The following NFU1 variants were observed in gnomAD, a reference collection of about 807,000 sequenced individuals.
NFU1 encodes NFU1 iron-sulfur cluster scaffold homolog, mitochondrial.
NFU1 carries 30 observed loss-of-function variants against 32.2 expected under a neutral mutation model. That is an observed-to-expected ratio of 0.93 (90% CI 0.70 to 1.26). NFU1 has a LOEUF of 1.26. Ranked by LOEUF, NFU1 falls within the 50% of genes most tolerant of loss-of-function variation. The pLI, the probability that NFU1 is intolerant of heterozygous loss-of-function variation, is 0.00. For synonymous variants in NFU1, 112 were observed against 104.6 expected, an observed-to-expected ratio of 1.07 and a Z score of -0.43; for missense variants, 306 against 306.6, an observed-to-expected ratio of 1.00 and a Z score of 0.02.
chr2:69,412,935 A>G (rs1039610607), intron 5 of NFU1, among the ~76,000 whole-genome samples: 14 of 152,078 alleles, frequency 9.2e-5, no homozygotes, highest in African/African-American at 3.4e-4. Flanking sequence ...CACTGACAAG[A>G]AAAGTAAATG....
intron 1 of NFU1, among the ~76,000 whole-genome samples, chr2:69,433,845 C>T (rs1235763180): frequency 6.6e-6 from 1 of 152,126 alleles, no homozygotes; most frequent in Non-Finnish European, 1.5e-5. Flanking sequence ...GTGATCAGGG[C>T]TCACTGCAGC....
At position 69,400,369 on chromosome 2, in the gene NFU1, C is replaced by T. The variant is rs1308859105; in HGVS notation, c.715G>A (p.Glu239Lys). The T allele has an allele frequency of 6.2e-6, 10 of 1,613,760 alleles. No homozygotes were observed. The highest frequency in any genetic ancestry group is 8.5e-6 in the Non-Finnish European group (10 of 1,179,664). The change falls in exon 7 of 8, where the codon GAA (glutamate) becomes AAA (lysine). Residue 239 changes from glutamate to lysine, a missense_variant. Coordinates refer to ENST00000410022, the MANE Select transcript of NFU1 (RefSeq NM_001002755.4). ...QFYIPEVEGV[E>K]QVMDDESDEK... Reference sequence around the variant, plus strand: ...GTCATATAATATTGGCATACCTGTTCTACGCCTTCTACCTCCGGAATATAA... The same window carrying T: ...GTCATATAATATTGGCATACCTGTTTTACGCCTTCTACCTCCGGAATATAA...
intron 7 of NFU1, among the ~76,000 whole-genome samples, chr2:69,399,078 T>A (rs984860366): frequency 6.6e-6 from 1 of 151,834 alleles, no homozygotes; most frequent in Non-Finnish European, 1.5e-5. Context: ...AATGGTGGCA[T>A]GTGCCTGTAA....
At chr2:69,410,025 T>TA (rs1189234988) in intron 5 of NFU1, among the ~76,000 whole-genome samples, 1 of 152,166 alleles carries the variant, frequency 6.6e-6, no homozygotes, top group East Asian at 1.9e-4. Context: ...CCTTGACGGA[T>TA]ATAAGATCAA....
chr2:69,406,740 T>A (rs1385625934), intron 5 of NFU1, among the ~76,000 whole-genome samples: 1 of 151,984 alleles, frequency 6.6e-6, no homozygotes, highest in African/African-American at 2.4e-5. Flanking sequence ...CCCAGGCAAT[T>A]TTTTTATTTT....
chr2:69,436,129 A>G (rs1673825928), intron 1 of NFU1, among the ~76,000 whole-genome samples: 1 of 152,108 alleles, frequency 6.6e-6, no homozygotes, highest in East Asian at 1.9e-4. Flanking sequence ...CTGCATACTC[A>G]TTAAGGGGAG....
chr2:69,434,387 T>G (rs1384032681), intron 1 of NFU1, among the ~76,000 whole-genome samples: 2 of 144,642 alleles, frequency 1.4e-5, no homozygotes, highest in East Asian at 4.3e-4. Context: ...CATGATCCAC[T>G]AGCCTCGGCC....
At chr2:69,408,808 A>G (rs1672787828) in intron 5 of NFU1, among the ~76,000 whole-genome samples, 2 of 143,544 alleles carry the variant, frequency 1.4e-5, no homozygotes, top group African/African-American at 2.5e-5. Context: ...TATTGCAATT[A>G]TATTTATGAG....
chr2:69,403,785 C>T (rs1672601097), intron 6 of NFU1, among the ~76,000 whole-genome samples: 1 of 152,052 alleles, frequency 6.6e-6, no homozygotes, highest in Non-Finnish European at 1.5e-5. Flanking sequence ...TTCTCTTCAA[C>T]TATGTCCAAT....
intron 1 of NFU1, among the ~76,000 whole-genome samples, chr2:69,435,051 T>C (rs1351243702): frequency 6.6e-6 from 1 of 152,182 alleles, no homozygotes; most frequent in Admixed American, 6.5e-5. Context: ...ATTGGGGAAG[T>C]TGCAACTCTT....
intron 6 of NFU1, among the ~76,000 whole-genome samples, chr2:69,403,963 C>T (rs1463405150): frequency 2.0e-5 from 3 of 151,020 alleles, no homozygotes; most frequent in African/African-American, 7.3e-5. Context: ...CTCAGCCTCC[C>T]GAGTAGCTGG....
chr2:69,399,284 C>A, intron 7 of NFU1: 1 of 399,614 alleles, frequency 2.5e-6, no homozygotes, highest in African/African-American at 2.2e-5. Context: ...CACATCCCTT[C>A]ACTCCTTGAT....
Position 69,400,425 on chromosome 2 carries a change from A to C in NFU1, c.659T>G (p.Leu220Arg), listed in dbSNP as rs779410078. 1 of 1,614,150 alleles carries C rather than the reference A, an allele frequency of 6.2e-7. No homozygotes were observed. Among genetic ancestry groups the C allele is most frequent in the South Asian group, 1.1e-5 (1 of 91,084 alleles). ...CAGCATGTTCTGAATTCCATTTTTC[A>C]GAGTAATGATTGAACTAGGGCAGCT... ...CTSCPSSIIT[L>R]KNGIQNMLQF... Residue 220 changes from leucine (L) to arginine (R), a missense_variant, in exon 7 of 8, where the codon CTG (leucine) becomes CGG (arginine). Transcript: ENST00000410022.
intron 5 of NFU1, among the ~76,000 whole-genome samples, chr2:69,414,130 C>T (rs905930588): frequency 1.3e-5 from 2 of 152,132 alleles, no homozygotes; most frequent in African/African-American, 4.8e-5. Context: ...TAAGGATGCT[C>T]ACTACAGCAA....
chr2:69,439,531 G>C (rs376475428), upstream of NFU1, among the ~76,000 whole-genome samples: 1 of 152,192 alleles, frequency 6.6e-6, no homozygotes, highest in Non-Finnish European at 1.5e-5. Context: ...AAAGAACAAA[G>C]CTTTCATAAC....
intron 3 of NFU1, among the ~76,000 whole-genome samples, chr2:69,420,003 ATT>A (rs57731378): frequency 1.9e-4 from 28 of 148,464 alleles, no homozygotes; most frequent in Admixed American, 7.4e-4. Context: ...TAAACAGACT[ATT>A]TTTTTTTTTT....
At chr2:69,438,023 T>C (rs1273665672), upstream of NFU1, among the ~76,000 whole-genome samples, 1 of 152,176 alleles carries the variant, frequency 6.6e-6, no homozygotes, top group African/African-American at 2.4e-5. Flanking sequence ...ACTTGACTAG[T>C]TTCCAGGGCA....
intron 1 of NFU1, 141 bp downstream of exon 1, chr2:69,437,220 C>T: frequency 2.0e-6 from 3 of 1,469,918 alleles, no homozygotes; most frequent in Non-Finnish European, 9.0e-7. Flanking sequence ...GGCTCACCCC[C>T]AACTACGGCG....
At chr2:69,414,166 AACTTT>A (rs1255671530) in intron 5 of NFU1, among the ~76,000 whole-genome samples, 1 of 152,206 alleles carries the variant, frequency 6.6e-6, no homozygotes, top group East Asian at 1.9e-4. Flanking sequence ...TTAGTACAAA[AACTTT>A]ACTTGAACAT....
Sources: allele counts gnomAD v4.1 joint callset (sites outside exome capture counted in the v4.1 genomes callset), GRCh38; gene constraint gnomAD v4.1.1; transcripts MANE v1.5; gene names NCBI Gene and HGNC (gene_info 2026-07-23, HGNC 2026-07-21).